CAMK1D: variants seen among roughly 807,000 people sequenced by gnomAD.
The protein encoded by CAMK1D is calcium/calmodulin dependent protein kinase ID, also known as calcium/calmodulin-dependent protein kinase type 1D.
A neutral mutation model predicts 47.7 loss-of-function variants in CAMK1D; 9 were observed. The observed-to-expected ratio is 0.19, with a 90% CI of 0.11 to 0.33. The LOEUF (loss-of-function observed/expected upper bound fraction) is 0.33. CAMK1D is among the 10% of genes least tolerant of loss of function. The pLI, the probability that CAMK1D is intolerant of heterozygous loss-of-function variation, is 1.00. For missense variants in CAMK1D, 291 were observed against 488.7 expected, an observed-to-expected ratio of 0.60 and a Z score of 3.81; for synonymous variants, 184 against 184.9, an observed-to-expected ratio of 0.99 and a Z score of 0.04.
chr10:12,473,477 CCTT>C (rs1324327226), intron 1 of CAMK1D, among the ~76,000 whole-genome samples: 1 of 152,062 alleles, frequency 6.6e-6, no homozygotes, highest in Non-Finnish European at 1.5e-5. Context: ...CTTTCATAGT[CCTT>C]ATTATGTGCA....
chr10:12,432,006 A>T (rs1335066932), intron 1 of CAMK1D, among the ~76,000 whole-genome samples: 2 of 152,218 alleles, frequency 1.3e-5, no homozygotes, highest in East Asian at 3.8e-4. Flanking sequence ...CCTTGAGCAG[A>T]GGTCACTGTG....
intron 1 of CAMK1D, among the ~76,000 whole-genome samples, chr10:12,423,547 C>A (rs1228662729): frequency 6.6e-6 from 1 of 152,102 alleles, no homozygotes; most frequent in Non-Finnish European, 1.5e-5. Context: ...CCCTTCAATT[C>A]TACCTCATGA....
chr10:12,491,149 ATGTG>A (rs3062692), intron 1 of CAMK1D, among the ~76,000 whole-genome samples: 7 of 150,480 alleles, frequency 4.7e-5, no homozygotes, highest in Admixed American at 6.6e-5. Context: ...GTATGAGAGT[ATGTG>A]TGTGTGTGTG....
intron 5 of CAMK1D, among the ~76,000 whole-genome samples, chr10:12,776,578 T>C (rs1837254535): frequency 6.6e-6 from 1 of 152,226 alleles, no homozygotes; most frequent in Non-Finnish European, 1.5e-5. Context: ...AACCAATCAG[T>C]ACATGACCTT....
At chr10:12,812,733 C>T (rs1832656577) in intron 6 of CAMK1D, among the ~76,000 whole-genome samples, 1 of 152,200 alleles carries the variant, frequency 6.6e-6, no homozygotes, top group African/African-American at 2.4e-5. Context: ...AATCAAGCTC[C>T]GCCTTCCTGC....
chr10:12,585,231 C>T (rs1409036540), intron 2 of CAMK1D, among the ~76,000 whole-genome samples: 1 of 152,228 alleles, frequency 6.6e-6, no homozygotes, highest in Non-Finnish European at 1.5e-5. Flanking sequence ...ACCCAGAGGG[C>T]TTGTGAAAAT....
At position 12,455,664 on chromosome 10, in the gene CAMK1D, A is replaced by G. The variant is rs182528979; in HGVS notation, c.93-97561A>G. 5.3e-5 allele frequency among the ~76,000 whole-genome samples: 8 copies of G among 152,286 alleles called. No individual in the cohort carries two copies. The East Asian group carries it at 1.2e-3, about 22-fold the overall frequency. ...AGGTTCCTTTCTGTAGTTGATGGAC[A>G]TTTGGTTGTTTCCAGTTTGGGACAA... On this transcript the variant is annotated intron_variant, in intron 1 of 10. Transcript: ENST00000619168.
At chr10:12,751,829 C>T (rs1287649066) in intron 3 of CAMK1D, among the ~76,000 whole-genome samples, 1 of 152,188 alleles carries the variant, frequency 6.6e-6, no homozygotes, top group Non-Finnish European at 1.5e-5. Flanking sequence ...GGCCATGCAC[C>T]TTTGTCAGGG....
chr10:12,559,438 T>C (rs956512883), intron 2 of CAMK1D, among the ~76,000 whole-genome samples: 8 of 152,230 alleles, frequency 5.3e-5, no homozygotes, highest in African/African-American at 1.7e-4. Flanking sequence ...TCATAATCAG[T>C]GTGATGTCAG....
intron 1 of CAMK1D, among the ~76,000 whole-genome samples, chr10:12,534,716 G>A (rs181829839): frequency 6.9e-4 from 105 of 152,206 alleles, no homozygotes; most frequent in Non-Finnish European, 1.1e-3. Flanking sequence ...TTTTTCTCTC[G>A]TCAGGGATCA....
rs12769586 is a variant in CAMK1D at position 12,626,092 on chromosome 10, A to T, written c.225-40644A>T. Among the ~76,000 whole-genome samples the T allele has an allele frequency of 7.6e-3, 1,155 of 152,290 alleles. 10 individuals are homozygous for T. Among genetic ancestry groups the T allele is most frequent in the Non-Finnish European group, 0.013 (891 of 68,022 alleles). On this transcript the variant is annotated intron_variant, in intron 2 of 10. Coordinates refer to ENST00000619168, the MANE Select transcript of CAMK1D (RefSeq NM_153498.4). ...CTTTTCTCTGAGGTGTCTGATGTTAACATTTTGTTTTTAACCAGTCTTTTT... is the reference window on the plus strand; with the variant it reads ...CTTTTCTCTGAGGTGTCTGATGTTATCATTTTGTTTTTAACCAGTCTTTTT...
At chr10:12,547,957 C>T (rs1317554160) in intron 1 of CAMK1D, among the ~76,000 whole-genome samples, 1 of 152,152 alleles carries the variant, frequency 6.6e-6, no homozygotes, top group Non-Finnish European at 1.5e-5. Context: ...GGGCTCGGAG[C>T]GATGGCAGCT....
At chr10:12,759,730 G>T (rs547047279) in intron 3 of CAMK1D, among the ~76,000 whole-genome samples, 3 of 152,272 alleles carry the variant, frequency 2.0e-5, no homozygotes, top group African/African-American at 7.2e-5. Context: ...TATGACTATA[G>T]GTAATGGAAG....
chr10:12,791,281 T>G lies in CAMK1D; in HGVS notation c.641+48T>G, dbSNP rs1564564944. On this transcript the variant is annotated intron_variant, in intron 6 of 10. Transcript: ENST00000619168. ...GGTTCTTCCTCTACCGGCCTTTTTT[T>G]GTTTGGTGAAATATACATGAAACAA... 2.6e-6 allele frequency: 4 copies of G among 1,554,888 alleles called. No homozygotes were observed. The South Asian group carries it at 3.4e-5, about 13-fold the overall frequency.
At chr10:12,476,349 C>T (rs948038859) in intron 1 of CAMK1D, among the ~76,000 whole-genome samples, 6 of 151,680 alleles carry the variant, frequency 4.0e-5, no homozygotes, top group African/African-American at 1.2e-4. Flanking sequence ...GACTAGATGA[C>T]CATGAACTAG....
At chr10:12,551,021 C>G (rs779911463) in intron 1 of CAMK1D, among the ~76,000 whole-genome samples, 1 of 152,188 alleles carries the variant, frequency 6.6e-6, no homozygotes. Context: ...AGGGTGTTCC[C>G]CCTGTTCAGG....
intron 2 of CAMK1D, among the ~76,000 whole-genome samples, chr10:12,659,056 C>G (rs1161423916): frequency 1.3e-5 from 2 of 152,204 alleles, no homozygotes; most frequent in African/African-American, 4.8e-5. Context: ...GCATTCACCC[C>G]AGATGCTGCT....
chr10:12,524,808 C>T (rs1835565469), intron 1 of CAMK1D, among the ~76,000 whole-genome samples: 1 of 152,182 alleles, frequency 6.6e-6, no homozygotes, highest in Admixed American at 6.5e-5. Flanking sequence ...AGATATTTAT[C>T]ATTTCTTTAG....
At chr10:12,508,568 G>A (rs528326198) in intron 1 of CAMK1D, among the ~76,000 whole-genome samples, 8 of 152,312 alleles carry the variant, frequency 5.3e-5, no homozygotes, top group South Asian at 2.1e-4. Flanking sequence ...GGTGGACGGC[G>A]GTGATGGTTG....
Sources: allele counts gnomAD v4.1 joint callset (sites outside exome capture counted in the v4.1 genomes callset), GRCh38; gene constraint gnomAD v4.1.1; transcripts MANE v1.5; gene names NCBI Gene and HGNC (gene_info 2026-07-23, HGNC 2026-07-21).